FAM13A: variants seen among roughly 807,000 people sequenced by gnomAD.
The protein encoded by FAM13A is family with sequence similarity 13 member A, also known as protein FAM13A.
A neutral mutation model predicts 129.6 loss-of-function variants in FAM13A; 76 were observed. The ratio of observed to expected loss-of-function variants is 0.59; its 90% CI spans 0.49 to 0.71. The LOEUF is 0.71. Among genes scored for constraint, FAM13A ranks in the 30% least tolerant of loss-of-function variants. The pLI, the probability that FAM13A is intolerant of heterozygous loss-of-function variation, is 0.00. For synonymous variants in FAM13A, 443 were observed against 449.9 expected, an observed-to-expected ratio of 0.98 and a Z score of 0.20; for missense variants, 1,108 against 1,249.3, an observed-to-expected ratio of 0.89 and a Z score of 1.70.
intron 7 of FAM13A, among the ~76,000 whole-genome samples, chr4:88,809,835 C>G (rs17014602): frequency 0.11 from 15,882 of 146,344 alleles, 1,178 homozygotes; most frequent in East Asian, 0.28. Context: ...TGGTCCCAAT[C>G]AAGAACATTA....
intron 3 of FAM13A, among the ~76,000 whole-genome samples, chr4:89,003,718 G>A (rs1290685061): frequency 6.6e-6 from 1 of 151,424 alleles, no homozygotes; most frequent in Non-Finnish European, 1.5e-5. Flanking sequence ...ACCCTCTTAC[G>A]TAATTATTCA....
At chr4:88,991,312 A>G (rs1488479906) in intron 3 of FAM13A, among the ~76,000 whole-genome samples, 162 bp from the exon 4 acceptor site, 12 of 152,074 alleles carry the variant, frequency 7.9e-5, no homozygotes, top group Non-Finnish European at 1.8e-4. Flanking sequence ...TTACTAACTT[A>G]CTGTAGTCCC....
chr4:88,819,133 C>G (rs940363553), intron 7 of FAM13A, among the ~76,000 whole-genome samples: 1 of 152,008 alleles, frequency 6.6e-6, no homozygotes. Context: ...CATCATAAAA[C>G]AAATATTCAA....
chr4:89,004,020 A>G (rs1764649298), intron 3 of FAM13A, among the ~76,000 whole-genome samples: 2 of 152,154 alleles, frequency 1.3e-5, no homozygotes, highest in South Asian at 4.1e-4. Context: ...ACAGGGTCTC[A>G]CTATGTTGTT....
chr4:88,902,993 T>G (rs1022340868), intron 6 of FAM13A, among the ~76,000 whole-genome samples: 1 of 152,078 alleles, frequency 6.6e-6, no homozygotes, highest in East Asian at 1.9e-4. Flanking sequence ...GAACTCCCAT[T>G]CACAATTGCT....
At chr4:88,935,892 A>G (rs1392756918) in intron 5 of FAM13A, among the ~76,000 whole-genome samples, 1 of 152,112 alleles carries the variant, frequency 6.6e-6, no homozygotes, top group Non-Finnish European at 1.5e-5. Context: ...CACATTCTCT[A>G]CTTTCTCAAA....
At chr4:88,930,664 T>G (rs1007888568) in intron 5 of FAM13A, among the ~76,000 whole-genome samples, 1 of 152,128 alleles carries the variant, frequency 6.6e-6, no homozygotes, top group African/African-American at 2.4e-5. Context: ...GGCTGATTCT[T>G]GGGCCTCCTG....
chr4:88,918,444 T>G (rs1750460421), intron 5 of FAM13A, among the ~76,000 whole-genome samples: 1 of 152,174 alleles, frequency 6.6e-6, no homozygotes, highest in African/African-American at 2.4e-5. Flanking sequence ...GGTCCTACAC[T>G]TAGTAAGTGG....
At chr4:89,003,214 A>C (rs1211565503) in intron 3 of FAM13A, among the ~76,000 whole-genome samples, 1 of 151,806 alleles carries the variant, frequency 6.6e-6, no homozygotes, top group Non-Finnish European at 1.5e-5. Flanking sequence ...AAGAGGAATC[A>C]CCACAGAAAT....
chr4:88,960,252 C>A (rs756579166), intron 4 of FAM13A, among the ~76,000 whole-genome samples: 1 of 152,182 alleles, frequency 6.6e-6, no homozygotes, highest in Non-Finnish European at 1.5e-5. Flanking sequence ...GTTATTGTCA[C>A]TATGTGTTTC....
At chr4:88,928,453 T>C (rs771727951) in intron 5 of FAM13A, among the ~76,000 whole-genome samples, 5 of 152,294 alleles carry the variant, frequency 3.3e-5, no homozygotes, top group Non-Finnish European at 7.4e-5. Flanking sequence ...GCTGTCTATT[T>C]CTTTATGCCT....
chr4:88,985,944 CAT>C (rs1278261638), intron 4 of FAM13A, among the ~76,000 whole-genome samples: 3 of 151,450 alleles, frequency 2.0e-5, no homozygotes, highest in Non-Finnish European at 4.4e-5. Context: ...AGAATGCACA[CAT>C]ATAGACATCA....
At position 88,940,851 on chromosome 4, in the gene FAM13A, T is replaced by C. The variant is rs755914593; in HGVS notation, c.606-2610A>G. 4.5e-4 allele frequency among the ~76,000 whole-genome samples: 68 copies of C among 152,184 alleles called. 1 individual carries two copies. Among genetic ancestry groups the C allele is most frequent in the Non-Finnish European group, 1.6e-4 (11 of 68,034 alleles). ...ACGATCTGTGGATATGCCTTTCTTA[T>C]AATGAAGTGAATCTCTATAAAATCC... On this transcript the variant is annotated intron_variant, in intron 4 of 23. Coordinates refer to ENST00000264344, the MANE Select transcript of FAM13A (RefSeq NM_014883.4).
intron 6 of FAM13A, among the ~76,000 whole-genome samples, chr4:88,875,356 C>T (rs1456759126): frequency 6.6e-6 from 1 of 152,132 alleles, no homozygotes; most frequent in African/African-American, 2.4e-5. Context: ...GAACAGGCAA[C>T]CTACAGAATG....
chr4:88,796,839 G>A (rs7680994), intron 8 of FAM13A, among the ~76,000 whole-genome samples: 20,939 of 151,232 alleles, frequency 0.14, 1,942 homozygotes, highest in East Asian at 0.32. Flanking sequence ...CTTTTCCTTT[G>A]GTTTCTGACA....
chr4:88,924,880 A>C (rs1298317390), intron 5 of FAM13A, among the ~76,000 whole-genome samples: 6 of 151,810 alleles, frequency 4.0e-5, no homozygotes, highest in African/African-American at 1.5e-4. Context: ...CAACCCCATC[A>C]AAAAGTGGGC....
At chr4:88,748,255 C>CT (rs1741807973) in intron 17 of FAM13A, among the ~76,000 whole-genome samples, 2 of 152,122 alleles carry the variant, frequency 1.3e-5, no homozygotes, top group Admixed American at 6.5e-5. Flanking sequence ...ATAACTTATT[C>CT]TTTTTTCAGA....
At chr4:88,924,088 TG>T (rs1336459321) in intron 5 of FAM13A, among the ~76,000 whole-genome samples, 5 of 152,302 alleles carry the variant, frequency 3.3e-5, no homozygotes, top group Admixed American at 2.6e-4. Context: ...TCCATGCTCA[TG>T]GGTAGGAAGA....
chr4:89,056,115 T>C (rs1013201321), intron 1 of FAM13A, among the ~76,000 whole-genome samples: 26 of 152,288 alleles, frequency 1.7e-4, no homozygotes, highest in Admixed American at 4.6e-4. Flanking sequence ...TTCTAGAAAA[T>C]AAAATGTCCC....
Sources: allele counts gnomAD v4.1 joint callset (sites outside exome capture counted in the v4.1 genomes callset), GRCh38; gene constraint gnomAD v4.1.1; transcripts MANE v1.5; gene names NCBI Gene and HGNC (gene_info 2026-07-23, HGNC 2026-07-21).